KCNMB4: variants seen among roughly 807,000 people sequenced by gnomAD.
KCNMB4 encodes the protein calcium-activated potassium channel subunit beta-4.
A neutral mutation model predicts 20.7 loss-of-function variants in KCNMB4; 3 were observed. That is an observed-to-expected ratio of 0.14 (90% CI 0.07 to 0.37). KCNMB4 has a LOEUF of 0.37. Ranked by LOEUF, KCNMB4 falls within the 10% of genes least tolerant of loss-of-function variation. The pLI is 1.00. For missense variants in KCNMB4, 168 were observed against 265.9 expected (o/e 0.63, Z 2.56); for synonymous variants, 110 against 113.4 (o/e 0.97, Z 0.19).
At position 70,432,651 on chromosome 12, in the gene KCNMB4, T is replaced by C. The variant is rs1016072345; in HGVS notation, c.*1998T>C. On this transcript the variant is annotated 3_prime_UTR_variant, in exon 3 of 3. Coordinates refer to ENST00000258111, the MANE Select transcript of KCNMB4 (RefSeq NM_014505.6). The stretch of plus-strand genomic sequence containing the variant: ...CCTTGAACACACTATTTATGACATC[T>C]TTTGAGGCAGCTCCAGTGCCTTGAC... 6.6e-6 allele frequency: 1 copy of C among 152,226 alleles called. No homozygotes were observed. The highest frequency in any genetic ancestry group is 1.5e-5 in the Non-Finnish European group (1 of 68,052). The allele number at this position is 152,226 out of a possible 1,614,324, so 9.4% of individuals were successfully genotyped here.
At chr12:70,383,823 C>G (rs1883838604) in intron 1 of KCNMB4, among the ~76,000 whole-genome samples, 1 of 152,218 alleles carries the variant, frequency 6.6e-6, no homozygotes, top group Non-Finnish European at 1.5e-5. Flanking sequence ...AATCCCAGCA[C>G]TTTGGGAGGC....
At chr12:70,374,170 C>T (rs1272885509) in intron 1 of KCNMB4, among the ~76,000 whole-genome samples, 8 of 152,196 alleles carry the variant, frequency 5.3e-5, no homozygotes, top group African/African-American at 1.9e-4. Context: ...AGATTTGTGA[C>T]ATTACAATAC....
At chr12:70,375,043 T>A (rs1883661654) in intron 1 of KCNMB4, among the ~76,000 whole-genome samples, 1 of 152,222 alleles carries the variant, frequency 6.6e-6, no homozygotes, top group East Asian at 1.9e-4. Flanking sequence ...ATTCTTATTT[T>A]AATTACCTTT....
intron 2 of KCNMB4, among the ~76,000 whole-genome samples, chr12:70,406,796 G>A (rs1868614868): frequency 6.6e-6 from 1 of 152,138 alleles, no homozygotes; most frequent in Admixed American, 6.5e-5. Flanking sequence ...GTCAGGGCAT[G>A]AATTTTGAAT....
chr12:70,411,711 AG>A (rs1314060148), intron 2 of KCNMB4, among the ~76,000 whole-genome samples: 1 of 152,202 alleles, frequency 6.6e-6, no homozygotes, highest in Non-Finnish European at 1.5e-5. Flanking sequence ...TGGGAGGCTG[AG>A]ATGGGAGGAT....
chr12:70,430,608 C>G lies in KCNMB4; in HGVS notation c.588C>G (p.Ser196Arg). ...TGGTCCTGACCATCTGTGCCAAGAG[C>G]TTGGCGGTCAAGGCGGAAGCCATGA... ...LIVVLTICAK[S>R]LAVKAEAMKK... The change falls in exon 3 of 3, where the codon AGC becomes AGG. Residue 196 changes from serine (S) to arginine (R), a missense_variant. By Grantham distance (110) the Ser-to-Arg change is moderately radical. Transcript: ENST00000258111. 2 of 1,612,824 alleles carry G rather than the reference C, an allele frequency of 1.2e-6. No individual in the cohort carries two copies. Among genetic ancestry groups the G allele is most frequent in the Non-Finnish European group, 1.7e-6 (2 of 1,179,684 alleles).
intron 2 of KCNMB4, among the ~76,000 whole-genome samples, chr12:70,417,869 C>A (rs1313001563): frequency 6.6e-6 from 1 of 152,046 alleles, no homozygotes; most frequent in Non-Finnish European, 1.5e-5. Flanking sequence ...GGAAAAAAAT[C>A]CAGGTTATTG....
chr12:70,407,460 CTTTTTTTTTT>C (rs35371839), intron 2 of KCNMB4, among the ~76,000 whole-genome samples: 9 of 64,184 alleles, frequency 1.4e-4, no homozygotes, highest in African/African-American at 5.1e-4. Context: ...GTGCTGAATT[CTTTTTTTTTT>C]TTTTTTTTTT....
rs1869226581 is a variant in KCNMB4, at chr12:70,426,796, G to A, written c.465-3689G>A. ...GTCCTACCACAGCACCGGGAGGATA[G>A]AAAGCACATAATAAATGCTGACTGT... On this transcript the variant is annotated intron_variant, in intron 2 of 2. Transcript: ENST00000258111. 2.0e-5 allele frequency among the ~76,000 whole-genome samples: 3 copies of A among 152,318 alleles called. No homozygotes were observed. The South Asian group carries it at 6.2e-4, about 32-fold the overall frequency.
intron 2 of KCNMB4, among the ~76,000 whole-genome samples, chr12:70,418,592 G>C (rs532507012): frequency 6.6e-6 from 1 of 152,126 alleles, no homozygotes; most frequent in South Asian, 2.1e-4. Context: ...TGAGACAAAG[G>C]CGCGTGCTAA....
Position 70,408,490 on chromosome 12 carries a change from G to C in KCNMB4, c.464+8154G>C, listed in dbSNP as rs77753992. Among the ~76,000 whole-genome samples the C allele has an allele frequency of 8.0e-3, 1,214 of 152,276 alleles. 18 individuals carry two copies. The highest frequency in any genetic ancestry group is 0.028 in the African/African-American group (1,166 of 41,546). On this transcript the variant is annotated intron_variant, in intron 2 of 2. Coordinates refer to ENST00000258111, the MANE Select transcript of KCNMB4 (RefSeq NM_014505.6). ...TTAAAAATCTAAGACAAAGATTAGA[G>C]GAGTCTTAGCTTTCCACTGGTTAAG... is the stretch of plus-strand genomic sequence containing the variant.
chr12:70,424,244 TAAGGGAAGATCC>T (rs1555213649), intron 2 of KCNMB4, among the ~76,000 whole-genome samples: 2 of 152,106 alleles, frequency 1.3e-5, no homozygotes, highest in Non-Finnish European at 2.9e-5. Flanking sequence ...TTTAGTCAGA[TAAGGGAAGATCC>T]AAGAAAGCTT....
chr12:70,400,152 CTG>C, intron 1 of KCNMB4, 55 bp from the exon 2 acceptor site: 2 of 1,329,234 alleles, frequency 1.5e-6, no homozygotes, highest in South Asian at 1.7e-5. Flanking sequence ...TAAAAAAAGA[CTG>C]TATCTCAATG....
chr12:70,397,371 A>T (rs1868363541), intron 1 of KCNMB4, among the ~76,000 whole-genome samples: 1 of 152,198 alleles, frequency 6.6e-6, no homozygotes, highest in African/African-American at 2.4e-5. Context: ...CTTTCCAGGC[A>T]ATGTTAGTTT....
chr12:70,393,363 T>C (rs540775991), intron 1 of KCNMB4, among the ~76,000 whole-genome samples: 3 of 152,130 alleles, frequency 2.0e-5, no homozygotes, highest in South Asian at 4.2e-4. Context: ...CCACCATGCC[T>C]AGCTAATTTT....
chr12:70,387,067 C>A (rs1265696960), intron 1 of KCNMB4, among the ~76,000 whole-genome samples: 1 of 151,238 alleles, frequency 6.6e-6, no homozygotes, highest in African/African-American at 2.4e-5. Context: ...CCACTGTTTG[C>A]ATTTTTACGT....
intron 1 of KCNMB4, among the ~76,000 whole-genome samples, chr12:70,373,653 T>C (rs558661735): frequency 1.3e-5 from 2 of 152,230 alleles, no homozygotes; most frequent in African/African-American, 4.8e-5. Context: ...AATACAGAAG[T>C]CAAGGACGGT....
intron 1 of KCNMB4, among the ~76,000 whole-genome samples, chr12:70,373,173 C>T (rs1883629183): frequency 1.3e-5 from 2 of 152,122 alleles, no homozygotes; most frequent in South Asian, 2.1e-4. Context: ...ATAATGTCTC[C>T]CTTCCACGAT....
At chr12:70,395,573 CTAAGTAA>C (rs1349809941) in intron 1 of KCNMB4, among the ~76,000 whole-genome samples, 1 of 152,012 alleles carries the variant, frequency 6.6e-6, no homozygotes, top group African/African-American at 2.4e-5. Flanking sequence ...TAATGGAAAA[CTAAGTAA>C]TAATAAGTAC....
Sources: gnomAD v4.1 joint callset for allele counts (sites outside exome capture counted in the v4.1 genomes callset) on GRCh38, gnomAD v4.1.1 for gene constraint, MANE v1.5 for transcripts, NCBI Gene and HGNC (gene_info 2026-07-23, HGNC 2026-07-21) for gene names.